The following CNST variants were observed in gnomAD, a reference collection of about 807,000 sequenced individuals.
The protein encoded by CNST is consortin.
A neutral mutation model predicts 72.4 loss-of-function variants in CNST; 39 were observed. The ratio of observed to expected loss-of-function variants is 0.54; its 90% CI spans 0.42 to 0.70. The LOEUF (loss-of-function observed/expected upper bound fraction) is 0.70. Among genes scored for constraint, CNST ranks in the 30% least tolerant of loss-of-function variants. CNST has a pLI of 0.00. For synonymous variants in CNST, 332 were observed against 320.1 expected (o/e 1.04, Z -0.40); for missense variants, 871 against 868.5 (o/e 1.00, Z -0.04).
intron 2 of CNST, among the ~76,000 whole-genome samples, chr1:246,616,958 T>C (rs1459515211): frequency 6.6e-6 from 1 of 152,174 alleles, no homozygotes; most frequent in Non-Finnish European, 1.5e-5. Flanking sequence ...ATTTCCGTGT[T>C]ACATCATGAA....
intron 1 of CNST, among the ~76,000 whole-genome samples, chr1:246,588,587 GA>G (rs1661340343): frequency 6.6e-6 from 1 of 152,138 alleles, no homozygotes; most frequent in Admixed American, 6.5e-5. Context: ...AGAAATATGT[GA>G]GACATATATG....
At chr1:246,664,021 G>T (rs1667254265) in intron 10 of CNST, among the ~76,000 whole-genome samples, 1 of 152,070 alleles carries the variant, frequency 6.6e-6, no homozygotes, top group Non-Finnish European at 1.5e-5. Context: ...TATCCATTAG[G>T]TTTTGTAAAA....
At chr1:246,603,141 G>A (rs956852905) in intron 2 of CNST, among the ~76,000 whole-genome samples, 3 of 152,118 alleles carry the variant, frequency 2.0e-5, no homozygotes, top group Non-Finnish European at 2.9e-5. Flanking sequence ...GAATATTTAT[G>A]CAGTTACATA....
chr1:246,636,166 G>T (rs951798398), intron 6 of CNST, among the ~76,000 whole-genome samples: 43 of 151,876 alleles, frequency 2.8e-4, no homozygotes, highest in African/African-American at 9.0e-4. Flanking sequence ...GTTAGAGGGA[G>T]ACCAGGCTCC....
At chr1:246,609,990 C>T (rs1260794291) in intron 2 of CNST, among the ~76,000 whole-genome samples, 1 of 152,114 alleles carries the variant, frequency 6.6e-6, no homozygotes, top group Non-Finnish European at 1.5e-5. Flanking sequence ...TGCCATTAAA[C>T]AATAACTCCC....
chr1:246,638,860 A>G (rs1418439520), intron 6 of CNST, among the ~76,000 whole-genome samples: 2 of 152,180 alleles, frequency 1.3e-5, no homozygotes, highest in Non-Finnish European at 2.9e-5. Flanking sequence ...GAGCATGGCC[A>G]GGTTTAAATG....
At chr1:246,606,051 T>A (rs1422935665) in intron 2 of CNST, 1 of 152,136 alleles carries the variant, frequency 6.6e-6, no homozygotes, top group Non-Finnish European at 1.5e-5. Context: ...CATAACTACT[T>A]CAGGTGTGAC....
At chr1:246,630,159 T>C (rs1406576188) in intron 3 of CNST, among the ~76,000 whole-genome samples, 1 of 152,216 alleles carries the variant, frequency 6.6e-6, no homozygotes, top group East Asian at 1.9e-4. Context: ...ACATCGGCCA[T>C]GGTGGGAGTA....
At chr1:246,654,236 C>A (rs141198474) in intron 9 of CNST, among the ~76,000 whole-genome samples, 270 of 152,320 alleles carry the variant, frequency 1.8e-3, no homozygotes, top group African/African-American at 6.1e-3. Flanking sequence ...CTCCCAGATA[C>A]ACCTTGCATG....
rs543783319 is a variant in CNST at position 246,610,998 on chromosome 1, C to T, written c.380-10431C>T. On this transcript the variant is annotated intron_variant, in intron 2 of 10. Coordinates refer to ENST00000366513, the MANE Select transcript of CNST (RefSeq NM_152609.3). ...CACCTGACAATATTTTCCAGCAACA[C>T]CTGCTGCTTTTCTGCTCTGAACGTG... Among the ~76,000 whole-genome samples the T allele has an allele frequency of 2.2e-4, 34 of 152,318 alleles. 1 individual carries two copies. The highest frequency in any genetic ancestry group is 8.2e-4 in the African/African-American group (34 of 41,574).
At chr1:246,595,734 T>C (rs1348069921) in intron 2 of CNST, among the ~76,000 whole-genome samples, 1 of 151,244 alleles carries the variant, frequency 6.6e-6, no homozygotes, top group Non-Finnish European at 1.5e-5. Context: ...TTTTAGAAAA[T>C]GTAAAATATA....
At position 246,634,473 on chromosome 1, in the gene CNST, A is replaced by T; in HGVS notation, c.704A>T (p.Glu235Val). 1.3e-6 allele frequency: 2 copies of T among 1,558,916 alleles called. No homozygotes were observed. Among genetic ancestry groups the T allele is most frequent in the Non-Finnish European group, 1.7e-6 (2 of 1,156,790 alleles). The part of the protein sequence containing the change: ...ANLSAIQEQW[E>V]TKWKTVQPHT... ...TGACTAACAAATACTTTAAATTTAGAAACAAAATGGAAAACTGTGCAACCA... is the reference window on the plus strand; with the variant it reads ...TGACTAACAAATACTTTAAATTTAGTAACAAAATGGAAAACTGTGCAACCA... The change falls in exon 6 of 11, where the codon GAA becomes GTA. Residue 235 changes from glutamate (E) to valine (V), a missense_variant and splice_region_variant. By Grantham distance (121) the Glu-to-Val change is moderately radical (BLOSUM62 -2). Coordinates refer to ENST00000366513, the MANE Select transcript of CNST (RefSeq NM_152609.3).
At chr1:246,580,830 C>T (rs1230964574) in intron 1 of CNST, among the ~76,000 whole-genome samples, 2 of 151,932 alleles carry the variant, frequency 1.3e-5, no homozygotes, top group African/African-American at 4.8e-5. Context: ...AACCTCTGCC[C>T]CCAGGGTTCA....
At chr1:246,601,296 CTT>C (rs1306942582) in intron 2 of CNST, among the ~76,000 whole-genome samples, 2 of 152,020 alleles carry the variant, frequency 1.3e-5, no homozygotes, top group Middle Eastern at 3.2e-3. Flanking sequence ...GAATGAGACT[CTT>C]GTCTCAAAAA....
At chr1:246,587,981 T>C (rs1661299248) in intron 1 of CNST, among the ~76,000 whole-genome samples, 1 of 152,204 alleles carries the variant, frequency 6.6e-6, no homozygotes, top group African/African-American at 2.4e-5. Context: ...TTTTTTTCCC[T>C]TAGAATCATT....
chr1:246,581,437 AT>A (rs36021394), intron 1 of CNST, among the ~76,000 whole-genome samples: 7 of 151,920 alleles, frequency 4.6e-5, no homozygotes, highest in Non-Finnish European at 8.8e-5. Context: ...CTGATTTTGT[AT>A]TTTTAGTAGA....
chr1:246,652,724 G>A (rs1324779706), intron 9 of CNST, among the ~76,000 whole-genome samples: 1 of 152,044 alleles, frequency 6.6e-6, no homozygotes, highest in Non-Finnish European at 1.5e-5. Flanking sequence ...TTTTAATCTG[G>A]CCGGGCACAG....
chr1:246,600,247 A>G (rs899468911), intron 2 of CNST, among the ~76,000 whole-genome samples: 14 of 152,358 alleles, frequency 9.2e-5, no homozygotes, highest in African/African-American at 3.4e-4. Context: ...ATCAAGGGGA[A>G]ATAGTAGAGA....
At chr1:246,613,060 C>T (rs1663440485) in intron 2 of CNST, among the ~76,000 whole-genome samples, 1 of 152,128 alleles carries the variant, frequency 6.6e-6, no homozygotes, top group East Asian at 1.9e-4. Context: ...ACAATCTTAT[C>T]AAGCATAATA....
Sources: gnomAD v4.1 joint callset for allele counts (sites outside exome capture counted in the v4.1 genomes callset) on GRCh38, gnomAD v4.1.1 for gene constraint, MANE v1.5 for transcripts, NCBI Gene and HGNC (gene_info 2026-07-23, HGNC 2026-07-21) for gene names.